Variants in ADAMTS7 observed in about 807,000 individuals in gnomAD.
The protein encoded by ADAMTS7 is ADAM metallopeptidase with thrombospondin type 1 motif 7.
ADAMTS7 carries 89 observed loss-of-function variants against 172.6 expected under a neutral mutation model. That is an observed-to-expected ratio of 0.52 (90% CI 0.43 to 0.61). The LOEUF (loss-of-function observed/expected upper bound fraction) is 0.61, where lower values mean the gene tolerates loss of function less well. Among genes scored for constraint, ADAMTS7 ranks in the 20% least tolerant of loss-of-function variants. The pLI is 0.00. For synonymous variants in ADAMTS7, 885 were observed against 978.4 expected (o/e 0.90, Z 1.78); for missense variants, 1,973 against 2,355.6 (o/e 0.84, Z 3.36).
intron 1 of ADAMTS7, among the ~76,000 whole-genome samples, chr15:78,804,641 C>A (rs11630027): frequency 0.71 from 107,393 of 152,070 alleles, 38,216 homozygotes; most frequent in Middle Eastern, 0.87. Context: ...CAGTGCTGTG[C>A]CCCTGCTGAG....
Position 78,776,247 on chromosome 15 carries a change from G to A in ADAMTS7, c.1647C>T (p.Ile549=), listed in dbSNP as rs776088328. Residue 549 remains isoleucine (I), a synonymous_variant, in exon 11 of 24, where the codon ATC becomes ATT. Transcript: ENST00000388820. ...GGWSGWSAWS[I]CSRSCGMGVQ... is the part of the protein sequence containing the mutation. Reference sequence around the variant, plus strand: ...CGCCCATGCCACAGCTCCGTGAGCAGATGGACCAGGCGCTCCAGCCAGACC... The same window carrying A: ...CGCCCATGCCACAGCTCCGTGAGCAAATGGACCAGGCGCTCCAGCCAGACC... The A allele has an allele frequency of 1.6e-4, 250 of 1,611,596 alleles. No individual in the cohort carries two copies. The highest frequency in any genetic ancestry group is 2.1e-4 in the Non-Finnish European group (242 of 1,179,842).
intron 11 of ADAMTS7, among the ~76,000 whole-genome samples, chr15:78,775,949 G>C (rs1256495482): frequency 6.6e-6 from 1 of 152,224 alleles, no homozygotes; most frequent in Non-Finnish European, 1.5e-5. Context: ...CCTCTGATGA[G>C]TCTCTCTAGT....
chr15:78,805,315 A>T (rs2055773587), intron 1 of ADAMTS7, among the ~76,000 whole-genome samples: 1 of 152,176 alleles, frequency 6.6e-6, no homozygotes, highest in African/African-American at 2.4e-5. Context: ...ATATTGAAAA[A>T]CGTTTTAGTC....
At position 78,804,913 on chromosome 15, in the gene ADAMTS7, G is replaced by A. The variant is rs1433463696; in HGVS notation, c.101-4366C>T. ...CTAGGACTAGGGACTAGGAAGCTAT[G>A]TTTTTACCAAGAGCCTCCGGGAACT... is the stretch of plus-strand genomic sequence containing the variant. On this transcript the variant is annotated intron_variant, in intron 1 of 23. Transcript: ENST00000388820. Among the ~76,000 whole-genome samples the A allele has an allele frequency of 3.9e-5, 6 of 152,344 alleles. No homozygotes were observed. The South Asian group carries it at 8.3e-4, about 21-fold the overall frequency.
At position 78,789,262 on chromosome 15, in the gene ADAMTS7, T is replaced by C. The variant is rs80153487; in HGVS notation, c.1178+427A>G. Among the ~76,000 whole-genome samples, 1,770 of 152,314 alleles carry C rather than the reference T, an allele frequency of 0.012. 36 individuals are homozygous for C. The East Asian group carries it at 0.12, about 10-fold the overall frequency. Reference sequence around the variant, plus strand: ...AGATAGAGGGAGCCTTGGACATCACTGAATCCAAACCCCTCAATCTATGGG... The same window carrying C: ...AGATAGAGGGAGCCTTGGACATCACCGAATCCAAACCCCTCAATCTATGGG... On this transcript the variant is annotated intron_variant, in intron 7 of 23. Transcript: ENST00000388820.
In ADAMTS7 at chr15:78,797,930, G is replaced by A; in HGVS notation, c.622+18C>T. 1 of 1,589,482 alleles carries A rather than the reference G, an allele frequency of 6.3e-7. No individual in the cohort carries two copies. Among genetic ancestry groups the A allele is most frequent in the Non-Finnish European group, 8.5e-7 (1 of 1,172,354 alleles). On this transcript the variant is annotated intron_variant, in intron 3 of 23. Transcript: ENST00000388820. Reference sequence around the variant, plus strand: ...CAGGCCCAGCACCCACCCGAGAACTGGGAGCAGAAGAGCATACCTTGCACT... The same window carrying A: ...CAGGCCCAGCACCCACCCGAGAACTAGGAGCAGAAGAGCATACCTTGCACT...
chr15:78,772,779 A>G (rs1737796505), intron 14 of ADAMTS7, among the ~76,000 whole-genome samples: 1 of 152,270 alleles, frequency 6.6e-6, no homozygotes, highest in Non-Finnish European at 1.5e-5. Context: ...GAGGACACGG[A>G]GCTGGGGTCT....
At position 78,800,359 on chromosome 15, in the gene ADAMTS7, C is replaced by G; in HGVS notation, c.289G>C (p.Ala97Pro). Residue 97 changes from alanine to proline, a missense_variant, in exon 2 of 24, where the codon GCC (alanine) becomes CCC (proline). By Grantham distance (27) the Ala-to-Pro change is conservative. Coordinates refer to ENST00000388820, the MANE Select transcript of ADAMTS7 (RefSeq NM_014272.5). ...RGRELRFNLT[A>P]NQHLLAPGFV... ...CCGGGCGCCAGCAGGTGCTGATTGG[C>G]GGTCAGGTTGAAGCGCAGCTCGCGC... The G allele has an allele frequency of 2.5e-6, 4 of 1,604,922 alleles. No homozygotes were observed. Among genetic ancestry groups the G allele is most frequent in the Non-Finnish European group, 3.4e-6 (4 of 1,176,816 alleles).
At chr15:78,764,364 G>A (rs1454727132) in intron 20 of ADAMTS7, among the ~76,000 whole-genome samples, 191 bp downstream of exon 20, 1 of 152,248 alleles carries the variant, frequency 6.6e-6, no homozygotes, top group Non-Finnish European at 1.5e-5. Flanking sequence ...AAGATACAGA[G>A]GAAAGGAGAC....
Position 78,776,278 on chromosome 15 carries a change from C to T in ADAMTS7, c.1616G>A (p.Gly539Asp). The T allele has an allele frequency of 1.2e-6, 2 of 1,611,950 alleles. No homozygotes were observed. Among genetic ancestry groups the T allele is most frequent in the Non-Finnish European group, 1.7e-6 (2 of 1,179,854 alleles). Reference sequence around the variant, plus strand: ...CCAGGCGCTCCAGCCAGACCAGCCACCATCCACGGCCTCGGGCCGGAAGCC... The same window carrying T: ...CCAGGCGCTCCAGCCAGACCAGCCATCATCCACGGCCTCGGGCCGGAAGCC... ...PVGFRPEAVDGGWSGWSAWSI... is the reference protein window; with the variant it reads ...PVGFRPEAVDDGWSGWSAWSI... Residue 539 changes from glycine (G) to aspartate (D), a missense_variant, in exon 11 of 24, where the codon GGT becomes GAT. Around this residue, in one of 8 missense-constraint regions of ADAMTS7, gnomAD observed 526 missense variants for 662.9 expected, o/e 0.79. Coordinates refer to ENST00000388820, the MANE Select transcript of ADAMTS7 (RefSeq NM_014272.5).
At chr15:78,769,047 G>C (rs943628846) in intron 16 of ADAMTS7, among the ~76,000 whole-genome samples, 17 of 152,238 alleles carry the variant, frequency 1.1e-4, no homozygotes, top group African/African-American at 4.1e-4. Context: ...GTGTGTCCGG[G>C]GGCCACCGAC....
chr15:78,782,459 C>T (rs2055441315), intron 8 of ADAMTS7, among the ~76,000 whole-genome samples: 1 of 148,270 alleles, frequency 6.7e-6, no homozygotes. Context: ...GGTCACATCC[C>T]TGCTTAAGCC....
intron 16 of ADAMTS7, among the ~76,000 whole-genome samples, chr15:78,769,933 G>T (rs1256904210): frequency 6.6e-6 from 1 of 152,184 alleles, no homozygotes; most frequent in Non-Finnish European, 1.5e-5. Context: ...AAGCCAAGGC[G>T]GGCAAATCAC....
At position 78,811,393 on chromosome 15, in the gene ADAMTS7, AG is replaced by A. The variant is rs1348712554; in HGVS notation, c.-174del. ...TCGGTCCGCGGGCAACAAAGGCTGCAGGGCCCGCCCCCTTGGCCGCTGCAGA... is the reference window on the plus strand; with the variant it reads ...TCGGTCCGCGGGCAACAAAGGCTGCAGGCCCGCCCCCTTGGCCGCTGCAGA... On this transcript the variant is annotated 5_prime_UTR_variant, in exon 1 of 24. Transcript: ENST00000388820. 3.1e-6 allele frequency: 2 copies of A among 637,464 alleles called. No homozygotes were observed. Among genetic ancestry groups the A allele is most frequent in the East Asian group, 3.7e-5 (1 of 27,076 alleles). 39.5% of individuals were successfully genotyped at this position (637,464 alleles called of 1,614,324 possible). A position where few individuals can be genotyped will look rare whatever the true frequency, so the allele number is the denominator to read the frequency against.
intron 6 of ADAMTS7, among the ~76,000 whole-genome samples, chr15:78,790,416 T>G (rs1298604588): frequency 6.6e-6 from 1 of 152,176 alleles, no homozygotes; most frequent in Admixed American, 6.5e-5. Context: ...ATGTTACCAC[T>G]GGGGGAAATG....
At position 78,764,639 on chromosome 15, in the gene ADAMTS7, G is replaced by A. The variant is rs1225670850; in HGVS notation, c.4335C>T (p.Asp1445=). 6.4e-7 allele frequency: 1 copy of A among 1,568,002 alleles called. No homozygotes were observed. The highest frequency in any genetic ancestry group is 8.6e-7 in the Non-Finnish European group (1 of 1,165,916). The change falls in exon 20 of 24, where the codon GAC becomes GAT. Residue 1445 remains aspartate, a synonymous_variant. Transcript: ENST00000388820. ...PVRCSSGRDE[D]CAPAGRPQPA... Reference sequence around the variant, plus strand: ...GCTGGGGCCGGCCAGCGGGGGCGCAGTCCTCATCCCGGCCGGAGCTACAGC... The same window carrying A: ...GCTGGGGCCGGCCAGCGGGGGCGCAATCCTCATCCCGGCCGGAGCTACAGC...
chr15:78,789,360 G>A (rs59017738), intron 7 of ADAMTS7, among the ~76,000 whole-genome samples: 17 of 152,206 alleles, frequency 1.1e-4, no homozygotes, highest in African/African-American at 3.9e-4. Context: ...GACAGGGATC[G>A]AGAGTAAAAA....
Position 78,767,056 on chromosome 15 carries a change from A to G in ADAMTS7, c.2860-5T>C, listed in dbSNP as rs1215032295. On this transcript the variant is annotated splice_polypyrimidine_tract_variant and splice_region_variant and intron_variant, in intron 18 of 23. Coordinates refer to ENST00000388820, the MANE Select transcript of ADAMTS7 (RefSeq NM_014272.5). ...CTCCCCACATGTCACTGAGCACTGC[A>G]GGGGAAGCCAGGGTGAGGGGCTTAC... 2 of 1,530,322 alleles carry G rather than the reference A, an allele frequency of 1.3e-6. No homozygotes were observed. The highest frequency in any genetic ancestry group is 1.8e-6 in the Non-Finnish European group (2 of 1,140,442). The allele number at this position is 1,530,322 out of a possible 1,614,324, so 94.8% of individuals were successfully genotyped here.
Position 78,796,288 on chromosome 15 carries a change from A to G in ADAMTS7, c.819+302T>C, listed in dbSNP as rs377758355. Among the ~76,000 whole-genome samples, 649 of 152,248 alleles carry G rather than the reference A, an allele frequency of 4.3e-3. 2 individuals are homozygous for G. Among genetic ancestry groups the G allele is most frequent in the African/African-American group, 0.014 (602 of 41,532 alleles). ...AACATGAAGGACCCAACTAGTCTAC[A>G]AGCCCCCCAGGCAAGCACAGGGTTG... On this transcript the variant is annotated intron_variant, in intron 4 of 23. Coordinates refer to ENST00000388820, the MANE Select transcript of ADAMTS7 (RefSeq NM_014272.5).
Sources: gnomAD v4.1 joint callset for allele counts (sites outside exome capture counted in the v4.1 genomes callset) on GRCh38, gnomAD v4.1.1 for gene constraint, gnomAD v4.1.1 regional missense constraint, MANE v1.5 for transcripts, NCBI Gene and HGNC (gene_info 2026-07-23, HGNC 2026-07-21) for gene names.